The following COLGALT2 variants were observed in gnomAD, a reference collection of about 807,000 sequenced individuals.
The protein encoded by COLGALT2 is collagen beta(1-O)galactosyltransferase 2.
Under a neutral mutation model 73.4 loss-of-function variants are expected in COLGALT2, and 49 were observed. The ratio of observed to expected loss-of-function variants is 0.67; its 90% confidence interval spans 0.53 to 0.85. COLGALT2 has a LOEUF of 0.85. Among genes scored for constraint, COLGALT2 ranks in the 40% least tolerant of loss-of-function variants. The pLI is 0.00. For synonymous variants in COLGALT2, 295 were observed against 307.6 expected, an observed-to-expected ratio of 0.96 and a Z score of 0.43; for missense variants, 722 against 790.2, an observed-to-expected ratio of 0.91 and a Z score of 1.03.
intron 1 of COLGALT2, among the ~76,000 whole-genome samples, chr1:184,015,018 A>G (rs1422196265): frequency 1.3e-5 from 2 of 152,034 alleles, no homozygotes; most frequent in African/African-American, 4.8e-5. Context: ...TAACACAGAC[A>G]TGGGGCTGGG....
chr1:183,962,137 C>CT (rs1168207074), intron 6 of COLGALT2, among the ~76,000 whole-genome samples: 58 of 126,194 alleles, frequency 4.6e-4, no homozygotes, highest in African/African-American at 1.5e-3. Flanking sequence ...GTTTTCTTTT[C>CT]TTTTCTTTTT....
chr1:184,001,291 A>G (rs1671918512), intron 1 of COLGALT2, among the ~76,000 whole-genome samples: 1 of 152,118 alleles, frequency 6.6e-6, no homozygotes, highest in Non-Finnish European at 1.5e-5. Flanking sequence ...TTTCAGCTTA[A>G]CTATGATGCA....
chr1:183,992,349 A>G (rs1671651817), intron 1 of COLGALT2, among the ~76,000 whole-genome samples: 1 of 152,202 alleles, frequency 6.6e-6, no homozygotes, highest in African/African-American at 2.4e-5. Flanking sequence ...AGAAGGAAAT[A>G]CTTTTAAAGA....
chr1:183,996,897 A>C (rs576721767), intron 1 of COLGALT2, among the ~76,000 whole-genome samples: 1 of 152,370 alleles, frequency 6.6e-6, no homozygotes, highest in African/African-American at 2.4e-5. Flanking sequence ...AATATTAACT[A>C]CTTAGGCTTT....
chr1:183,984,364 C>T (rs1671432134), intron 1 of COLGALT2, among the ~76,000 whole-genome samples: 1 of 152,236 alleles, frequency 6.6e-6, no homozygotes, highest in Non-Finnish European at 1.5e-5. Context: ...GAGATCGTGC[C>T]ACTGCACTCC....
chr1:183,933,762 T>C (rs1669894096), downstream of COLGALT2, among the ~76,000 whole-genome samples: 1 of 152,206 alleles, frequency 6.6e-6, no homozygotes, highest in East Asian at 1.9e-4. Context: ...GCAGAGCTAG[T>C]GCTCTGTGGG....
rs530226711 is a variant in COLGALT2 at position 183,964,358 on chromosome 1, G to A, written c.833-338C>T. The A allele has an allele frequency of 8.5e-6, 3 of 353,446 alleles. No homozygotes were observed. The Admixed American group carries it at 1.4e-4, about 16-fold the overall frequency. 21.9% of individuals were successfully genotyped at this position (353,446 alleles called of 1,614,324 possible). A position where few individuals can be genotyped will look rare whatever the true frequency, so the allele number is the denominator to read the frequency against. ...AATTCCCATTCTGGAGAGCAGAATG[G>A]AACACTGTAATCCACCTACAGGAAA... On this transcript the variant is annotated intron_variant, in intron 5 of 11. Transcript: ENST00000361927.
exon 12 of COLGALT2, chr1:183,930,151 GA>G (rs1669808840): frequency 2.2e-6 from 1 of 454,476 alleles, no homozygotes; most frequent in African/African-American, 2.0e-5. Context: ...AAATGCAGGA[GA>G]AACCTGGAGG....
rs1456827591 is a variant in COLGALT2 at position 183,975,150 on chromosome 1, G to A, written c.439C>T (p.Leu147=). The change falls in exon 3 of 12, where the codon CTA becomes TTA. Residue 147 remains leucine (L), a synonymous_variant. Coordinates refer to ENST00000361927, the MANE Select transcript of COLGALT2 (RefSeq NM_015101.4). ...GCAGTTCGAAGGGCTGCCTGTCGTAGTTTCATCACATGGGCAAACCGGGAG... is the reference window on the plus strand; with the variant it reads ...GCAGTTCGAAGGGCTGCCTGTCGTAATTTCATCACATGGGCAAACCGGGAG... ...PTSRFAHVMK[L]RQAALRTARE... 6.2e-7 allele frequency: 1 copy of A among 1,614,132 alleles called. No individual in the cohort carries two copies. The highest frequency in any genetic ancestry group is 1.1e-5 in the South Asian group (1 of 91,076).
intron 9 of COLGALT2, 61 bp downstream of exon 9, chr1:183,945,371 C>T (rs367915624): frequency 1.1e-4 from 170 of 1,582,496 alleles, no homozygotes; most frequent in South Asian, 3.5e-4. Context: ...AACTCACCTA[C>T]GATAGCCTGC....
chr1:184,029,971 T>C (rs1649455911), intron 1 of COLGALT2, among the ~76,000 whole-genome samples: 1 of 152,234 alleles, frequency 6.6e-6, no homozygotes, highest in Non-Finnish European at 1.5e-5. Flanking sequence ...AAAGGATATA[T>C]GTATATGTAT....
intron 1 of COLGALT2, among the ~76,000 whole-genome samples, chr1:184,010,127 A>G (rs941403462): frequency 9.2e-5 from 14 of 152,314 alleles, no homozygotes; most frequent in African/African-American, 2.9e-4. Context: ...CTAAAAATCT[A>G]CAGGGACCAG....
chr1:184,004,800 T>C (rs912684562), intron 1 of COLGALT2, among the ~76,000 whole-genome samples: 4 of 151,668 alleles, frequency 2.6e-5, no homozygotes, highest in African/African-American at 9.7e-5. Context: ...GAGGGGGAGA[T>C]GGGAGTCACA....
chr1:183,939,755 A>G (rs942829399), intron 11 of COLGALT2, among the ~76,000 whole-genome samples: 6 of 152,184 alleles, frequency 3.9e-5, no homozygotes, highest in African/African-American at 1.2e-4. Flanking sequence ...AAATGAGACC[A>G]TCTAGTGACG....
At chr1:184,033,063 T>A (rs1649565584) in intron 1 of COLGALT2, among the ~76,000 whole-genome samples, 1 of 152,248 alleles carries the variant, frequency 6.6e-6, no homozygotes, top group South Asian at 2.1e-4. Flanking sequence ...TGCCCAAATC[T>A]TTCTGTAATT....
At chr1:183,955,856 A>T (rs1670542094) in intron 6 of COLGALT2, among the ~76,000 whole-genome samples, 1 of 152,216 alleles carries the variant, frequency 6.6e-6, no homozygotes. Flanking sequence ...TTCCAGGCAC[A>T]GGAGAGGAAT....
chr1:184,036,978 GC>G (rs551256629), intron 1 of COLGALT2, 116 bp downstream of exon 1: 8 of 880,762 alleles, frequency 9.1e-6, no homozygotes, highest in South Asian at 4.9e-5. Flanking sequence ...TTTTCCGCGT[GC>G]CCCCCCGCCC....
intron 2 of COLGALT2, among the ~76,000 whole-genome samples, chr1:183,977,927 A>G (rs1479790720): frequency 6.6e-6 from 1 of 152,202 alleles, no homozygotes; most frequent in East Asian, 1.9e-4. Flanking sequence ...GAAATTACCT[A>G]AATGAGCATC....
At chr1:184,030,995 C>T (rs1365611694) in intron 1 of COLGALT2, among the ~76,000 whole-genome samples, 1 of 152,174 alleles carries the variant, frequency 6.6e-6, no homozygotes, top group African/African-American at 2.4e-5. Context: ...TGTAGTTAAG[C>T]TGTCATAACT....
Sources: gnomAD v4.1 joint callset for allele counts (sites outside exome capture counted in the v4.1 genomes callset) on GRCh38, gnomAD v4.1.1 for gene constraint, MANE v1.5 for transcripts, NCBI Gene and HGNC (gene_info 2026-07-23, HGNC 2026-07-21) for gene names.